The following KCNIP4 variants were observed in gnomAD, a reference collection of about 807,000 sequenced individuals.
KCNIP4 encodes the protein potassium voltage-gated channel interacting protein 4, also known as Kv channel-interacting protein 4.
In KCNIP4, 12 loss-of-function variants were observed where a neutral mutation model predicts 34.0. The ratio of observed to expected loss-of-function variants is 0.35; its 90% CI spans 0.23 to 0.57. The LOEUF (loss-of-function observed/expected upper bound fraction) is 0.57, where lower values mean the gene tolerates loss of function less well. Ranked by LOEUF, KCNIP4 falls within the 20% of genes least tolerant of loss-of-function variation. The pLI is 0.83. For missense variants in KCNIP4, 238 were observed against 311.7 expected, an observed-to-expected ratio of 0.76 and a Z score of 1.78; for synonymous variants, 124 against 102.2, an observed-to-expected ratio of 1.21 and a Z score of -1.29.
chr4:21,501,238 TCTCTCTCTCTCA>T (rs1291550743), intron 1 of KCNIP4, among the ~76,000 whole-genome samples: 2 of 130,392 alleles, frequency 1.5e-5, no homozygotes, highest in Admixed American at 1.6e-4. Flanking sequence ...TCTCTCTCTC[TCTCTCTCTCTCA>T]CACACACACA....
At position 20,935,538 on chromosome 4, in the gene KCNIP4, T is replaced by A. The variant is rs1023546859; in HGVS notation, c.62-52829A>T. Reference sequence around the variant, plus strand: ...ACTACCTCTCTCTAGGCCATTCTTATTTCTGTCCAAGTTTTCCACCCCAAT... The same window carrying A: ...ACTACCTCTCTCTAGGCCATTCTTAATTCTGTCCAAGTTTTCCACCCCAAT... On this transcript the variant is annotated intron_variant, in intron 1 of 8. Transcript: ENST00000382152. Among the ~76,000 whole-genome samples the A allele has an allele frequency of 2.0e-5, 3 of 152,180 alleles. No individual in the cohort carries two copies. In the South Asian group the frequency reaches 6.2e-4, roughly 32 times the overall value.
chr4:21,117,357 C>G (rs1749789152), intron 1 of KCNIP4, among the ~76,000 whole-genome samples: 1 of 146,136 alleles, frequency 6.8e-6, no homozygotes. Flanking sequence ...CTCCTATGTC[C>G]CAGGTCTACA....
At chr4:21,372,353 A>AATAGATAG (rs140861893) in intron 1 of KCNIP4, among the ~76,000 whole-genome samples, 62,514 of 138,802 alleles carry the variant, frequency 0.45, 15,498 homozygotes, top group Middle Eastern at 0.53. Flanking sequence ...CAGTTTGGTG[A>AATAGATAG]ATAGATAGAT....
intron 3 of KCNIP4, among the ~76,000 whole-genome samples, chr4:20,840,838 C>G (rs550069192): frequency 6.6e-6 from 1 of 152,148 alleles, no homozygotes; most frequent in African/African-American, 2.4e-5. Context: ...CATCTCCTTC[C>G]GCTCAACTTT....
chr4:20,912,485 A>G (rs1274939195), intron 1 of KCNIP4, among the ~76,000 whole-genome samples: 1 of 152,172 alleles, frequency 6.6e-6, no homozygotes, highest in Non-Finnish European at 1.5e-5. Context: ...TTTTTTATAT[A>G]TAACAACTAA....
At chr4:21,779,943 AAAG>A (rs1238023998) in intron 1 of KCNIP4, among the ~76,000 whole-genome samples, 1 of 146,896 alleles carries the variant, frequency 6.8e-6, no homozygotes, top group East Asian at 2.0e-4. Context: ...AAAAAAAAAA[AAAG>A]GAAGAATATT....
At chr4:20,868,317 A>G (rs1267812923) in intron 2 of KCNIP4, among the ~76,000 whole-genome samples, 1 of 152,138 alleles carries the variant, frequency 6.6e-6, no homozygotes, top group East Asian at 1.9e-4. Context: ...ACCAGTCAGA[A>G]TGGCTATTAT....
intron 1 of KCNIP4, among the ~76,000 whole-genome samples, chr4:21,011,754 A>G (rs1228057038): frequency 2.0e-5 from 3 of 152,238 alleles, no homozygotes; most frequent in Non-Finnish European, 4.4e-5. Flanking sequence ...AAGGACAATA[A>G]TGAATCTCAT....
intron 1 of KCNIP4, among the ~76,000 whole-genome samples, chr4:21,493,065 C>A (rs1553891638): frequency 6.6e-6 from 1 of 152,136 alleles, no homozygotes; most frequent in Non-Finnish European, 1.5e-5. Flanking sequence ...CACCTTATAG[C>A]TTTCTCGTCT....
At chr4:21,941,013 A>G (rs1425579904) in intron 1 of KCNIP4, among the ~76,000 whole-genome samples, 1 of 152,162 alleles carries the variant, frequency 6.6e-6, no homozygotes, top group Non-Finnish European at 1.5e-5. Flanking sequence ...GCATGGATAA[A>G]AGGTATGGGC....
At chr4:21,441,857 T>A (rs1727511518) in intron 1 of KCNIP4, among the ~76,000 whole-genome samples, 1 of 152,218 alleles carries the variant, frequency 6.6e-6, no homozygotes, top group African/African-American at 2.4e-5. Context: ...TTAGGGATCT[T>A]CTGTAAATTG....
Position 21,303,348 on chromosome 4 carries a change from G to A in KCNIP4, c.62-420639C>T, listed in dbSNP as rs149909008. 2.5e-3 allele frequency among the ~76,000 whole-genome samples: 375 copies of A among 152,188 alleles called. 5 individuals are homozygous for A. Among genetic ancestry groups the A allele is most frequent in the African/African-American group, 8.6e-3 (356 of 41,522 alleles). ...TTTATGAAAAGCCTGTCATTCTCAG[G>A]CTCCAACCTTAGACCATAAGAAATT... On this transcript the variant is annotated intron_variant, in intron 1 of 8. Coordinates refer to ENST00000382152, the MANE Select transcript of KCNIP4 (RefSeq NM_025221.6).
At chr4:21,396,268 A>C (rs1722988760) in intron 1 of KCNIP4, among the ~76,000 whole-genome samples, 1 of 151,942 alleles carries the variant, frequency 6.6e-6, no homozygotes, top group South Asian at 2.1e-4. Context: ...AAAAATGAGG[A>C]TCCTGGGCCG....
At chr4:20,754,641 C>T (rs1194919804) in intron 4 of KCNIP4, among the ~76,000 whole-genome samples, 1 of 152,188 alleles carries the variant, frequency 6.6e-6, no homozygotes, top group Non-Finnish European at 1.5e-5. Context: ...CAGATTTCTG[C>T]ATTCAATTAA....
intron 1 of KCNIP4, among the ~76,000 whole-genome samples, chr4:21,830,130 T>C (rs1014697792): frequency 3.3e-5 from 5 of 152,058 alleles, no homozygotes; most frequent in Non-Finnish European, 7.4e-5. Flanking sequence ...AAACACAGGA[T>C]AAATATTAAA....
chr4:21,069,055 C>T (rs2108991743), intron 1 of KCNIP4, among the ~76,000 whole-genome samples: 1 of 152,230 alleles, frequency 6.6e-6, no homozygotes, highest in East Asian at 1.9e-4. Context: ...AAAAATGTTA[C>T]TTTCTTCTCA....
intron 1 of KCNIP4, among the ~76,000 whole-genome samples, chr4:21,255,297 C>T (rs1760989374): frequency 2.0e-5 from 3 of 152,172 alleles, no homozygotes; most frequent in Non-Finnish European, 4.4e-5. Context: ...ACCCCACTTC[C>T]AAGTAATAAC....
At chr4:20,822,853 T>A (rs981265755) in intron 3 of KCNIP4, among the ~76,000 whole-genome samples, 4 of 152,118 alleles carry the variant, frequency 2.6e-5, no homozygotes, top group Non-Finnish European at 4.4e-5. Flanking sequence ...TCATGAGTGG[T>A]CCACCCTCAG....
intron 1 of KCNIP4, among the ~76,000 whole-genome samples, chr4:21,875,389 G>T (rs1434550849): frequency 6.6e-6 from 1 of 152,122 alleles, no homozygotes; most frequent in Non-Finnish European, 1.5e-5. Flanking sequence ...CAAATAAATA[G>T]ATAGAAATAA....
Sources: gnomAD v4.1 joint callset for allele counts (sites outside exome capture counted in the v4.1 genomes callset) on GRCh38, gnomAD v4.1.1 for gene constraint, MANE v1.5 for transcripts, NCBI Gene and HGNC (gene_info 2026-07-23, HGNC 2026-07-21) for gene names.